RGS6: variants seen among roughly 807,000 people sequenced by gnomAD.
RGS6 encodes the protein regulator of G protein signaling 6, also known as regulator of G-protein signaling 6.
RGS6 carries 30 observed loss-of-function variants against 78.5 expected under a neutral mutation model. The ratio of observed to expected loss-of-function variants is 0.38; its 90% CI spans 0.29 to 0.52. RGS6 has a LOEUF of 0.52. Ranked by LOEUF, RGS6 falls within the 20% of genes least tolerant of loss-of-function variation. The pLI is 0.85. For missense variants in RGS6, 495 were observed against 609.7 expected (o/e 0.81, Z 1.98); for synonymous variants, 206 against 206.0 (o/e 1.00, Z 0.00).
At position 72,115,288 on chromosome 14, in the gene RGS6, A is replaced by G. The variant is rs74762488; in HGVS notation, c.84+150413A>G. On this transcript the variant is annotated intron_variant, in intron 2 of 17. Coordinates refer to ENST00000553525, the MANE Select transcript of RGS6 (RefSeq NM_001204424.2). The stretch of plus-strand genomic sequence containing the variant: ...GGGCTCTAATTAAGCAGACAATGGA[A>G]AGTTGCTGTGTCTCTCTCTGATGCT... Among the ~76,000 whole-genome samples the G allele has an allele frequency of 8.5e-5, 13 of 152,264 alleles. No homozygotes were observed. The East Asian group carries it at 2.1e-3, about 25-fold the overall frequency.
intron 2 of RGS6, among the ~76,000 whole-genome samples, chr14:72,344,549 C>G (rs191122107): frequency 2.4e-4 from 36 of 152,138 alleles, no homozygotes; most frequent in African/African-American, 8.7e-4. Flanking sequence ...ATATTGAGTC[C>G]CACTGAATGC....
At chr14:72,173,895 G>A (rs1328781138) in intron 2 of RGS6, among the ~76,000 whole-genome samples, 3 of 152,078 alleles carry the variant, frequency 2.0e-5, no homozygotes, top group Admixed American at 1.3e-4. Flanking sequence ...AGAGTGATTC[G>A]AGAGGATGCC....
intron 2 of RGS6, among the ~76,000 whole-genome samples, chr14:72,291,946 T>C (rs1465350915): frequency 6.6e-6 from 1 of 152,110 alleles, no homozygotes; most frequent in African/African-American, 2.4e-5. Flanking sequence ...AACCCTGAAA[T>C]AGTGGGACAC....
chr14:72,109,146 TTC>T (rs1439973964), intron 2 of RGS6, among the ~76,000 whole-genome samples: 1 of 152,104 alleles, frequency 6.6e-6, no homozygotes, highest in Admixed American at 6.5e-5. Context: ...TTTTTTTTCT[TTC>T]TGTTTTGCTC....
intron 3 of RGS6, among the ~76,000 whole-genome samples, chr14:72,391,264 A>C (rs562218288): frequency 1.3e-5 from 2 of 151,738 alleles, no homozygotes; most frequent in South Asian, 2.1e-4. Context: ...CTTCAAGAAA[A>C]AAATTCAACA....
chr14:72,193,035 C>T (rs1057146498), intron 2 of RGS6, among the ~76,000 whole-genome samples: 7 of 148,932 alleles, frequency 4.7e-5, no homozygotes, highest in Non-Finnish European at 1.0e-4. Context: ...CTCTGTCACT[C>T]AGGCTGGAGT....
At chr14:72,080,057 T>C (rs966360578) in intron 2 of RGS6, among the ~76,000 whole-genome samples, 1 of 152,176 alleles carries the variant, frequency 6.6e-6, no homozygotes, top group Non-Finnish European at 1.5e-5. Flanking sequence ...TACTCAGGGA[T>C]TGGATTGCTG....
chr14:72,408,763 C>T (rs936537243), intron 3 of RGS6, among the ~76,000 whole-genome samples: 11 of 152,148 alleles, frequency 7.2e-5, no homozygotes, highest in Admixed American at 1.3e-4. Context: ...ATTACATAAT[C>T]GGTGCATTTC....
intron 2 of RGS6, among the ~76,000 whole-genome samples, chr14:72,331,441 T>C (rs2075010365): frequency 6.6e-6 from 1 of 152,140 alleles, no homozygotes; most frequent in African/African-American, 2.4e-5. Context: ...AAGTTTTTAT[T>C]ATAGAGGGTG....
At chr14:71,915,602 G>A in the RGS6 span, among the ~76,000 whole-genome samples, 1 of 152,120 alleles carries the variant, frequency 6.6e-6, no homozygotes, top group South Asian at 2.1e-4. Flanking sequence ...TCAGTTATGG[G>A]AGACTCTCCT....
intron 2 of RGS6, among the ~76,000 whole-genome samples, chr14:72,210,661 C>T (rs748405395): frequency 6.6e-6 from 1 of 152,116 alleles, no homozygotes; most frequent in Non-Finnish European, 1.5e-5. Flanking sequence ...GAGACTACAC[C>T]TTAACAGTGC....
chr14:72,562,886 C>T lies in RGS6; in HGVS notation c.*419C>T, dbSNP rs368022352. ...GCAAATTCAAGAGGCATGAGTGGACCGAGAGCACATCCAGCATTTGCATCA... is the reference window on the plus strand; with the variant it reads ...GCAAATTCAAGAGGCATGAGTGGACTGAGAGCACATCCAGCATTTGCATCA... On this transcript the variant is annotated 3_prime_UTR_variant, in exon 18 of 18. Transcript: ENST00000553525. The T allele has an allele frequency of 3.5e-4, 284 of 801,980 alleles. 1 individual carries two copies. Among genetic ancestry groups the T allele is most frequent in the East Asian group, 2.9e-3 (107 of 37,478 alleles). The allele number at this position is 801,980 out of a possible 1,614,324, so 49.7% of individuals were successfully genotyped here.
chr14:72,559,704 C>G (rs891266906), intron 17 of RGS6, among the ~76,000 whole-genome samples: 1 of 152,186 alleles, frequency 6.6e-6, no homozygotes, highest in African/African-American at 2.4e-5. Flanking sequence ...ACCCTGAAAT[C>G]CTGGGAAATA....
intron 15 of RGS6, among the ~76,000 whole-genome samples, chr14:72,534,840 TCTC>T (rs1164064279): frequency 7.2e-5 from 11 of 152,112 alleles, no homozygotes; most frequent in Non-Finnish European, 1.0e-4. Context: ...AGATGAGCAC[TCTC>T]CTCCTCCCTG....
chr14:71,961,212 G>C (rs116064533), intron 1 of RGS6, among the ~76,000 whole-genome samples: 2,911 of 152,208 alleles, frequency 0.019, 93 homozygotes, highest in African/African-American at 0.065. Context: ...AGATGGGCTG[G>C]GATATAGGCA....
Position 72,182,793 on chromosome 14 carries a change from T to G in RGS6, c.85-169302T>G, listed in dbSNP as rs184986671. 1.3e-4 allele frequency among the ~76,000 whole-genome samples: 20 copies of G among 152,364 alleles called. No homozygotes were observed. The East Asian group carries it at 3.7e-3, about 28-fold the overall frequency. On this transcript the variant is annotated intron_variant, in intron 2 of 17. Transcript: ENST00000553525. ...CATTGTGGGGAAATGTGCCAATGAC[T>G]GTTTTTGGTTAAAGGTTTGAATGGG...
chr14:72,306,757 T>C (rs557580786), intron 2 of RGS6, among the ~76,000 whole-genome samples: 1 of 152,350 alleles, frequency 6.6e-6, no homozygotes, highest in African/African-American at 2.4e-5. Flanking sequence ...TGAAAAGTTG[T>C]TCCTTATGGA....
intron 2 of RGS6, among the ~76,000 whole-genome samples, chr14:72,135,906 G>C (rs1172223629): frequency 6.6e-6 from 1 of 152,056 alleles, no homozygotes; most frequent in Non-Finnish European, 1.5e-5. Flanking sequence ...GGAAGGAGGA[G>C]GAGGGGGAGG....
chr14:72,515,062 G>A (rs562616379), intron 14 of RGS6, among the ~76,000 whole-genome samples: 14 of 152,294 alleles, frequency 9.2e-5, no homozygotes, highest in African/African-American at 2.2e-4. Context: ...AAACACATAC[G>A]GGATGTCAGG....
Sources: allele counts gnomAD v4.1 joint callset (sites outside exome capture counted in the v4.1 genomes callset), GRCh38; gene constraint gnomAD v4.1.1; transcripts MANE v1.5; gene names NCBI Gene and HGNC (gene_info 2026-07-23, HGNC 2026-07-21).